The following DMD variants were observed in gnomAD, a reference collection of about 807,000 sequenced individuals.
DMD encodes the protein dystrophin.
Under a neutral mutation model 330.1 loss-of-function variants are expected in DMD, and 63 were observed. The observed-to-expected ratio is 0.19, with a 90% CI of 0.16 to 0.24. The LOEUF (loss-of-function observed/expected upper bound fraction) is 0.24, where lower values mean the gene tolerates loss of function less well. DMD is among the 10% of genes least tolerant of loss of function. The pLI is 1.00. For missense variants in DMD, 3,344 were observed against 2,684.1 expected, an observed-to-expected ratio of 1.25 and a Z score of -5.43; for synonymous variants, 1,223 against 959.8, an observed-to-expected ratio of 1.27 and a Z score of -5.07.
chrX:32,238,169 T>G (rs1365101532), intron 43 of DMD, among the ~76,000 whole-genome samples: 1 of 112,085 alleles, frequency 8.9e-6, no homozygotes, highest in Non-Finnish European at 1.9e-5. Flanking sequence ...ATTCCAAAAT[T>G]TAGCAGCTTA....
intron 4 of DMD, among the ~76,000 whole-genome samples, chrX:32,826,015 AAACCCT>A (rs1411449621): frequency 9.0e-6 from 1 of 111,324 alleles, no homozygotes; most frequent in Non-Finnish European, 1.9e-5. Flanking sequence ...ATGATACCTC[AAACCCT>A]ATCTAGGGCA....
intron 1 of DMD, among the ~76,000 whole-genome samples, chrX:33,226,468 A>C (rs2052292292): frequency 8.9e-6 from 1 of 111,781 alleles, no homozygotes; most frequent in Admixed American, 9.5e-5. Context: ...GCTAGTCCTA[A>C]ATAGCTACAT....
intron 9 of DMD, among the ~76,000 whole-genome samples, chrX:32,661,202 C>T (rs765801000): frequency 9.9e-5 from 11 of 111,350 alleles, no homozygotes; most frequent in Admixed American, 8.6e-4. Flanking sequence ...TGGGTGCTAT[C>T]CACTGTGTAG....
At position 32,832,817 on chromosome X, in the gene DMD, G is replaced by C. The variant is rs182200663; in HGVS notation, c.265-9430C>G. ...TTTCTTATTAAATCATAAATACGTC[G>C]ATATATACAACCTAAACGGTGGGCC... On this transcript the variant is annotated intron_variant, in intron 4 of 78. Transcript: ENST00000357033. 3.6e-5 allele frequency among the ~76,000 whole-genome samples: 4 copies of C among 111,099 alleles called. No individual in the cohort carries two copies. In the East Asian group the frequency reaches 1.1e-3, roughly 31 times the overall value.
intron 18 of DMD, among the ~76,000 whole-genome samples, chrX:32,507,103 C>T (rs2044709424): frequency 9.0e-6 from 1 of 111,557 alleles, no homozygotes; most frequent in African/African-American, 3.3e-5. Context: ...AAAATAAGCA[C>T]ATTTAAGTAA....
chrX:31,678,643 G>A (rs746091663), intron 53 of DMD, among the ~76,000 whole-genome samples: 2 of 111,202 alleles, frequency 1.8e-5, no homozygotes, highest in Non-Finnish European at 3.8e-5. Flanking sequence ...AAGAGAATGG[G>A]GGGAGAAAGT....
At chrX:31,487,290 G>A (rs1345540269) in intron 57 of DMD, among the ~76,000 whole-genome samples, 7 of 105,070 alleles carry the variant, frequency 6.7e-5, no homozygotes, top group African/African-American at 2.1e-4. Context: ...ACGGAGTCTC[G>A]CTCTGTCACT....
intron 44 of DMD, among the ~76,000 whole-genome samples, chrX:32,173,066 G>GGTGTGTGTGTGTGTGTGTGTGT (rs3040089): frequency 7.8e-5 from 7 of 89,620 alleles, no homozygotes; most frequent in African/African-American, 2.6e-4. Context: ...ACCTGATTTT[G>GGTGTGTGTGTGTGTGTGTGTGT]GTGTGTGTGT....
At chrX:31,476,385 ATGTG>A (rs754890255) in intron 59 of DMD, among the ~76,000 whole-genome samples, 1,288 of 91,838 alleles carry the variant, frequency 0.014, 17 homozygotes, top group East Asian at 0.042. Context: ...CTAACTATGT[ATGTG>A]TGTGTGTGTA....
At chrX:33,330,872 C>T (rs899995805) in intron 1 of DMD, among the ~76,000 whole-genome samples, 17 of 111,990 alleles carry the variant, frequency 1.5e-4, no homozygotes, top group African/African-American at 5.5e-4. Context: ...AGTTTTTCCA[C>T]ATCACTCACA....
chrX:32,285,980 A>G (rs1035100744), intron 43 of DMD, among the ~76,000 whole-genome samples: 5 of 111,340 alleles, frequency 4.5e-5, no homozygotes, highest in Admixed American at 9.5e-5. Flanking sequence ...GATTACAGAC[A>G]TGAGCCACCG....
chrX:31,691,755 C>A (rs2083139611), intron 52 of DMD, among the ~76,000 whole-genome samples: 2 of 112,057 alleles, frequency 1.8e-5, no homozygotes, highest in Non-Finnish European at 3.8e-5. Context: ...AGTATATAAG[C>A]ATCCCAAATC....
chrX:32,560,023 G>C (rs745602078), intron 16 of DMD, among the ~76,000 whole-genome samples: 2 of 110,564 alleles, frequency 1.8e-5, no homozygotes, highest in Non-Finnish European at 3.8e-5. Context: ...GCTCACAGTT[G>C]AGAATGTTGC....
At chrX:31,288,750 T>C (rs1194073465) in intron 62 of DMD, among the ~76,000 whole-genome samples, 1 of 111,728 alleles carries the variant, frequency 9.0e-6, no homozygotes, top group Non-Finnish European at 1.9e-5. Flanking sequence ...CTTAATTACA[T>C]AGACTTCAGT....
intron 2 of DMD, among the ~76,000 whole-genome samples, chrX:32,997,231 C>T (rs1452939780): frequency 2.8e-5 from 3 of 108,328 alleles, no homozygotes; most frequent in South Asian, 4.0e-4. Flanking sequence ...TTCTGGGGTA[C>T]ATGAGAGCCT....
intron 72 of DMD, 46 bp from the exon 73 acceptor site, chrX:31,172,459 G>C (rs766256291): frequency 2.8e-5 from 27 of 954,422 alleles, no homozygotes; most frequent in Non-Finnish European, 3.6e-5. Context: ...TGACGTCTTA[G>C]AATCTATTCA....
At chrX:32,904,635 C>T (rs908488018) in intron 2 of DMD, among the ~76,000 whole-genome samples, 16 of 111,918 alleles carry the variant, frequency 1.4e-4, no homozygotes, top group Non-Finnish European at 1.3e-4. Flanking sequence ...AGTGCAATGG[C>T]GGATCTCTGC....
At chrX:31,624,646 G>A (rs1041121668) in intron 55 of DMD, among the ~76,000 whole-genome samples, 2 of 111,632 alleles carry the variant, frequency 1.8e-5, no homozygotes, top group African/African-American at 6.5e-5. Flanking sequence ...GGGGTAGACA[G>A]ATATATCAAA....
chrX:33,080,245 C>G (rs2094908088), intron 1 of DMD, among the ~76,000 whole-genome samples: 1 of 111,635 alleles, frequency 9.0e-6, no homozygotes, highest in Non-Finnish European at 1.9e-5. Context: ...GCTAAATAAC[C>G]TTTTTCAAAT....
Sources: allele counts gnomAD v4.1 joint callset (sites outside exome capture counted in the v4.1 genomes callset), GRCh38; gene constraint gnomAD v4.1.1; transcripts MANE v1.5; gene names NCBI Gene and HGNC (gene_info 2026-07-23, HGNC 2026-07-21).